The following ARHGEF17 variants were observed in gnomAD, a reference collection of about 807,000 sequenced individuals.
ARHGEF17 encodes the protein Rho guanine nucleotide exchange factor 17.
Under a neutral mutation model 174.0 loss-of-function variants are expected in ARHGEF17, and 80 were observed. That is an observed-to-expected ratio of 0.46 (90% CI 0.38 to 0.55). ARHGEF17 has a LOEUF of 0.55. Ranked by LOEUF, ARHGEF17 falls within the 20% of genes least tolerant of loss-of-function variation. ARHGEF17 has a pLI of 0.00. For missense variants in ARHGEF17, 2,886 were observed against 2,839.7 expected, an observed-to-expected ratio of 1.02 and a Z score of -0.37; for synonymous variants, 1,311 against 1,189.1, an observed-to-expected ratio of 1.10 and a Z score of -2.11.
chr11:73,308,656 C>G lies in ARHGEF17; in HGVS notation c.18C>G (p.Pro6=), dbSNP rs763945413. 9.3e-6 allele frequency: 14 copies of G among 1,508,064 alleles called. No individual in the cohort carries two copies. In the South Asian group the frequency reaches 1.7e-4, roughly 19 times the overall value. 93.4% of individuals were successfully genotyped at this position (1,508,064 alleles called of 1,614,324 possible). ...ACGCCACTATGGCGGACGGGGCACC[C>G]CGGCCCCAGCTTTACCGCAGCGTCT... The part of the protein sequence containing the change: MADGA[P]RPQLYRSVSF... The change falls in exon 1 of 21, where the codon CCC becomes CCG. Residue 6 remains proline, a synonymous_variant. Transcript: ENST00000263674.
chr11:73,353,278 C>A (rs1196562759), intron 3 of ARHGEF17: 3 of 531,350 alleles, frequency 5.6e-6, no homozygotes, highest in African/African-American at 1.9e-5. Flanking sequence ...GACCCTACCC[C>A]GCTCCTGGCT....
chr11:73,323,798 G>T (rs1022205183), intron 1 of ARHGEF17, among the ~76,000 whole-genome samples: 2 of 152,234 alleles, frequency 1.3e-5, no homozygotes, highest in Non-Finnish European at 2.9e-5. Context: ...AATAGGAGAA[G>T]GGTGGGCCCG....
In ARHGEF17 at chr11:73,357,252, G is replaced by T; in HGVS notation, c.4012G>T (p.Ala1338Ser). Reference protein sequence around the residue: ...RRSSMSLYTAASVIDTASKYK... With the variant: ...RRSSMSLYTASSVIDTASKYK... ...ATTGGCTCCCCACAGGTACACGGCA[G>T]CCAGTGTCATTGACACAGCCAGCAA... Residue 1338 changes from alanine (A) to serine (S), a missense_variant, in exon 9 of 21, where the codon GCC (alanine) becomes TCC (serine). This residue lies in a region of ARHGEF17 where 353 missense variants were observed against 470.3 expected (regional missense o/e 0.75). Transcript: ENST00000263674. The T allele has an allele frequency of 6.2e-7, 1 of 1,613,896 alleles. No individual in the cohort carries two copies. The highest frequency in any genetic ancestry group is 8.5e-7 in the Non-Finnish European group (1 of 1,179,832).
intron 1 of ARHGEF17, among the ~76,000 whole-genome samples, chr11:73,330,017 T>G (rs192283662): frequency 6.6e-6 from 1 of 152,244 alleles, no homozygotes; most frequent in African/African-American, 2.4e-5. Context: ...TATCTTATAA[T>G]GAGTAAGGTT....
rs1375134471 is a variant in ARHGEF17, at chr11:73,308,939, A to G, written c.301A>G (p.Thr101Ala). 2.2e-6 allele frequency: 3 copies of G among 1,361,010 alleles called. No homozygotes were observed. In the African/African-American group the frequency reaches 4.6e-5, roughly 21 times the overall value. 84.3% of individuals were successfully genotyped at this position (1,361,010 alleles called of 1,614,324 possible). A position where few individuals can be genotyped will look rare whatever the true frequency, so the allele number is the denominator to read the frequency against. Reference sequence around the variant, plus strand: ...GCGTCTGGACGACGGCTCCGCTGGGACCCGAGACGGAGGCGTCTTACCCGC... The same window carrying G: ...GCGTCTGGACGACGGCTCCGCTGGGGCCCGAGACGGAGGCGTCTTACCCGC... ...APRLDDGSAG[T>A]RDGGVLPAAA... Residue 101 changes from threonine (T) to alanine (A), a missense_variant, in exon 1 of 21, where the codon ACC becomes GCC. Coordinates refer to ENST00000263674, the MANE Select transcript of ARHGEF17 (RefSeq NM_014786.4).
At chr11:73,343,365 G>A in intron 1 of ARHGEF17, 1 of 388,570 alleles carries the variant, frequency 2.6e-6, no homozygotes, top group East Asian at 3.6e-5. Context: ...ACGGTGGGGG[G>A]AGGGGAGGCA....
At chr11:73,317,661 C>G (rs1864950786) in intron 1 of ARHGEF17, among the ~76,000 whole-genome samples, 1 of 152,212 alleles carries the variant, frequency 6.6e-6, no homozygotes, top group Non-Finnish European at 1.5e-5. Context: ...AAGCAGGAGC[C>G]TATTGGAGCT....
At position 73,362,682 on chromosome 11, in the gene ARHGEF17, G is replaced by C. The variant is rs757361794; in HGVS notation, c.4944G>C (p.Ser1648=). ...ACGATGAGTCTTCGCCCAGCCCCTC[G>C]GGGACGCTGCAGAGCCAGGCCAGCC... The part of the protein sequence containing the change: ...DSDDESSPSP[S]GTLQSQASRS... Residue 1648 remains serine (S), a synonymous_variant, in exon 14 of 21, where the codon TCG becomes TCC. Coordinates refer to ENST00000263674, the MANE Select transcript of ARHGEF17 (RefSeq NM_014786.4). 3.1e-6 allele frequency: 5 copies of C among 1,610,222 alleles called. No homozygotes were observed. The South Asian group carries it at 5.5e-5, about 18-fold the overall frequency.
rs753904070 is a variant in ARHGEF17 at position 73,365,421 on chromosome 11, G to A, written c.5582G>A (p.Arg1861His). ...TTTTACGTGGGTCAGGATTCAAGCC[G>A]CTGCGTGGCTTGCATGGTGGACTCC... ...HMFYVGQDSS[R>H]CVACMVDSSL... The change falls in exon 19 of 21, where the codon CGC (arginine) becomes CAC (histidine). Residue 1861 changes from arginine to histidine, a missense_variant. Physicochemically the swap from Arg to His is conservative, Grantham distance 29. Transcript: ENST00000263674. The surrounding 1 kb of genome is among the most constrained non-coding windows in gnomAD (Gnocchi z 4.9). 1.9e-5 allele frequency: 30 copies of A among 1,613,902 alleles called. No homozygotes were observed. Among genetic ancestry groups the A allele is most frequent in the Admixed American group, 1.7e-4 (10 of 60,004 alleles).
Position 73,323,959 on chromosome 11 carries a change from CCTT to C in ARHGEF17, c.3192+12132_3192+12134del, listed in dbSNP as rs577664327. ...TTTCTTCTCTCCTTCTGTCCTCTGTCCTTCTCCCTGTTCTCCTCCCTGGGTCTT... is the reference window on the plus strand; with the variant it reads ...TTTCTTCTCTCCTTCTGTCCTCTGTCCTCCCTGTTCTCCTCCCTGGGTCTT... On this transcript the variant is annotated intron_variant, in intron 1 of 20. Transcript: ENST00000263674. 8.7e-4 allele frequency among the ~76,000 whole-genome samples: 133 copies of C among 152,328 alleles called. 1 individual carries two copies. Among genetic ancestry groups the C allele is most frequent in the Non-Finnish European group, 1.6e-3 (108 of 68,014 alleles).
At position 73,311,548 on chromosome 11, in the gene ARHGEF17, G is replaced by A. The variant is rs1864835451; in HGVS notation, c.2910G>A (p.Val970=). Residue 970 remains valine (V), a synonymous_variant, in exon 1 of 21, where the codon GTG becomes GTA. Coordinates refer to ENST00000263674, the MANE Select transcript of ARHGEF17 (RefSeq NM_014786.4). ...ASVPATFMPI[V]VPEPPTSVGP... Reference sequence around the variant, plus strand: ...TGCCCGCCACATTTATGCCTATTGTGGTGCCTGAGCCACCAACTTCTGTTG... The same window carrying A: ...TGCCCGCCACATTTATGCCTATTGTAGTGCCTGAGCCACCAACTTCTGTTG... 1.2e-6 allele frequency: 2 copies of A among 1,613,442 alleles called. No individual in the cohort carries two copies. The highest frequency in any genetic ancestry group is 1.7e-6 in the Non-Finnish European group (2 of 1,180,018).
Position 73,365,005 on chromosome 11 carries a change from T to G in ARHGEF17, c.5551-385T>G. 1 of 301,110 alleles carries G rather than the reference T, an allele frequency of 3.3e-6. No homozygotes were observed. The allele number at this position is 301,110 out of a possible 1,614,324, so 18.7% of individuals were successfully genotyped here. ...ACGGGTTCCCTTAATTTCCCTCACT[T>G]ATTCCATTGTTGGCTGGGCAGGAGT... On this transcript the variant is annotated intron_variant, in intron 18 of 20. Transcript: ENST00000263674. This position sits in a 1 kb window ranked among gnomAD's most constrained non-coding sequence, Gnocchi z 4.9.
At chr11:73,317,362 C>T (rs1383136697) in intron 1 of ARHGEF17, among the ~76,000 whole-genome samples, 1 of 152,196 alleles carries the variant, frequency 6.6e-6, no homozygotes, top group Non-Finnish European at 1.5e-5. Flanking sequence ...ATTGCCATGG[C>T]TCCAATAGTC....
chr11:73,339,567 G>C (rs1360669300), intron 1 of ARHGEF17, among the ~76,000 whole-genome samples: 1 of 152,198 alleles, frequency 6.6e-6, no homozygotes, highest in African/African-American at 2.4e-5. Context: ...GGTGGACAGT[G>C]CCCAGATGCA....
chr11:73,367,769 T>G lies in ARHGEF17; in HGVS notation c.6181T>G (p.Trp2061Gly). 6.2e-7 allele frequency: 1 copy of G among 1,612,502 alleles called. No homozygotes were observed. The highest frequency in any genetic ancestry group is 8.5e-7 in the Non-Finnish European group (1 of 1,179,018). ...CGACAGCACAAACCACCTCCTCCTG[T>G]GGAGGGTGTGACCCTGTCTGCCGTG... ...RDDSTNHLLLWRV is the reference protein window; with the variant it reads ...RDDSTNHLLLGRV Residue 2061 changes from tryptophan (W) to glycine (G), a missense_variant, in exon 21 of 21, where the codon TGG (tryptophan) becomes GGG (glycine). Trp to Gly is a radical substitution (Grantham distance 184, BLOSUM62 -2). This residue lies in a region of ARHGEF17 where 329 missense variants were observed against 435.2 expected (regional missense o/e 0.76). Coordinates refer to ENST00000263674, the MANE Select transcript of ARHGEF17 (RefSeq NM_014786.4).
At position 73,310,448 on chromosome 11, in the gene ARHGEF17, C is replaced by T. The variant is rs1339519681; in HGVS notation, c.1810C>T (p.Arg604Cys). Residue 604 changes from arginine to cysteine, a missense_variant, in exon 1 of 21, where the codon CGC becomes TGC. Coordinates refer to ENST00000263674, the MANE Select transcript of ARHGEF17 (RefSeq NM_014786.4). ...EARQVFEKIQ[R>C]MGAQQDDGSD... is the part of the protein sequence containing the mutation. ...CCGCCAGGTTTTTGAGAAGATCCAGCGCATGGGTGCCCAACAAGATGATGG... is the reference window on the plus strand; with the variant it reads ...CCGCCAGGTTTTTGAGAAGATCCAGTGCATGGGTGCCCAACAAGATGATGG... 1.2e-6 allele frequency: 2 copies of T among 1,613,882 alleles called. No individual in the cohort carries two copies. Among genetic ancestry groups the T allele is most frequent in the East Asian group, 2.2e-5 (1 of 44,890 alleles).
intron 3 of ARHGEF17, 42 bp downstream of exon 3, chr11:73,353,054 C>T (rs766263056): frequency 2.5e-5 from 40 of 1,608,368 alleles, no homozygotes; most frequent in Admixed American, 3.3e-5. Flanking sequence ...AGCACAGGCC[C>T]TCCTGGAAGG....
At chr11:73,312,040 C>G (rs1005357125) in intron 1 of ARHGEF17, among the ~76,000 whole-genome samples, 1 of 152,166 alleles carries the variant, frequency 6.6e-6, no homozygotes, top group Non-Finnish European at 1.5e-5. Context: ...CAGTTTTCTG[C>G]TGGTGCTAAT....
chr11:73,309,352 C>G lies in ARHGEF17; in HGVS notation c.714C>G (p.Ala238=), dbSNP rs1351889312. ...CCTGCTCCTCCTCCTCCATCGCCGC[C>G]TCCTATCCTGTCAGCCGCAGTCGTG... ...RASCSSSSIA[A]SYPVSRSRAA... Residue 238 remains alanine (A), a synonymous_variant, in exon 1 of 21, where the codon GCC becomes GCG. Transcript: ENST00000263674. 13 of 1,606,804 alleles carry G rather than the reference C, an allele frequency of 8.1e-6. No homozygotes were observed. The highest frequency in any genetic ancestry group is 1.1e-5 in the Non-Finnish European group (13 of 1,177,584).
Sources: allele counts gnomAD v4.1 joint callset (sites outside exome capture counted in the v4.1 genomes callset), GRCh38; gene constraint gnomAD v4.1.1; regional missense constraint gnomAD v4.1.1; non-coding constraint Gnocchi (gnomAD v3.1); transcripts MANE v1.5; gene names NCBI Gene and HGNC (gene_info 2026-07-23, HGNC 2026-07-21).